The following PROK2 variants were observed in gnomAD, a reference collection of about 807,000 sequenced individuals.
PROK2 encodes prokineticin 2, also known as prokineticin-2.
In PROK2, 8 loss-of-function variants were observed where a neutral mutation model predicts 14.2. That is an observed-to-expected ratio of 0.56 (90% CI 0.33 to 1.02). PROK2 has a LOEUF of 1.02. Among genes scored for constraint, PROK2 ranks in the 50% least tolerant of loss-of-function variants. The pLI is 0.03. For synonymous variants in PROK2, 59 were observed against 60.7 expected (o/e 0.97, Z 0.13); for missense variants, 154 against 160.4 (o/e 0.96, Z 0.22).
chr3:71,784,519 TCTGGGCACTTG>T (rs2050195504), intron 1 of PROK2, among the ~76,000 whole-genome samples: 1 of 152,152 alleles, frequency 6.6e-6, no homozygotes, highest in Admixed American at 6.5e-5. Context: ...GGATTAAGAC[TCTGGGCACTTG>T]GGGAATTCGT....
chr3:71,776,812 T>C (rs561261245), intron 2 of PROK2, among the ~76,000 whole-genome samples: 14 of 152,170 alleles, frequency 9.2e-5, no homozygotes, highest in Non-Finnish European at 1.8e-4. Context: ...CAAGAGAAAG[T>C]GCTTACAGAA....
chr3:71,773,415 T>C (rs1559624210), intron 3 of PROK2, among the ~76,000 whole-genome samples: 1 of 152,200 alleles, frequency 6.6e-6, no homozygotes, highest in Non-Finnish European at 1.5e-5. Flanking sequence ...CAAGGTCACT[T>C]ATGTAAAACT....
At chr3:71,776,960 G>A (rs1023612128) in intron 2 of PROK2, among the ~76,000 whole-genome samples, 4 of 152,172 alleles carry the variant, frequency 2.6e-5, no homozygotes, top group African/African-American at 7.2e-5. Flanking sequence ...CCAGCACTTT[G>A]AGAAAGCATG....
intron 1 of PROK2, among the ~76,000 whole-genome samples, chr3:71,783,719 T>C (rs1263276577): frequency 6.6e-6 from 1 of 152,202 alleles, no homozygotes. Flanking sequence ...AATCCAATCA[T>C]GTTTCAATTC....
At chr3:71,772,963 C>G (rs780226635) in intron 3 of PROK2, 135 bp from the exon 4 acceptor site, 4 of 728,592 alleles carry the variant, frequency 5.5e-6, no homozygotes, top group Admixed American at 4.7e-5. Context: ...GCAATATGCT[C>G]AGTACTTTTT....
At chr3:71,781,423 T>C in intron 2 of PROK2, 44 bp downstream of exon 2, 1 of 1,606,462 alleles carries the variant, frequency 6.2e-7, no homozygotes, top group South Asian at 1.1e-5. Context: ...TGCTCAGAGT[T>C]ACCACAGTAG....
intron 2 of PROK2, among the ~76,000 whole-genome samples, chr3:71,780,572 G>A (rs759898347): frequency 2.8e-4 from 43 of 152,336 alleles, no homozygotes; most frequent in South Asian, 8.3e-4. Flanking sequence ...AGGACTTGTT[G>A]CAACGCCACT....
At chr3:71,776,180 A>G (rs910837077) in intron 2 of PROK2, among the ~76,000 whole-genome samples, 9 of 152,130 alleles carry the variant, frequency 5.9e-5, no homozygotes, top group African/African-American at 2.2e-4. Flanking sequence ...ATGAACATCA[A>G]TCTGGATCTG....
At chr3:71,781,666 G>T in intron 1 of PROK2, 74 bp from the exon 2 acceptor site, 1 of 1,471,074 alleles carries the variant, frequency 6.8e-7, no homozygotes. Flanking sequence ...AAAATTAGCA[G>T]TGAAATGCCC....
intron 2 of PROK2, 128 bp from the exon 3 acceptor site, chr3:71,774,635 G>A: frequency 7.8e-7 from 1 of 1,280,434 alleles, no homozygotes; most frequent in South Asian, 1.6e-5. Flanking sequence ...CAGTTCCTCT[G>A]TCCTTTTGCT....
chr3:71,781,524 T>C lies in PROK2; in HGVS notation c.165A>G (p.Ile55Met). ...GTTTGCCCATAGGTGTGCAAATCCT[T>C]ATGCTCTTGACCCAGATACTGACAG... is the stretch of plus-strand genomic sequence containing the variant. ...CCAVSIWVKS[I>M]RICTPMGKLG... is the part of the protein sequence containing the mutation. Residue 55 changes from isoleucine to methionine, a missense_variant, in exon 2 of 4, where the codon ATA becomes ATG. Ile to Met is a conservative substitution (Grantham distance 10). Transcript: ENST00000295619. 6.2e-7 allele frequency: 1 copy of C among 1,613,744 alleles called. No homozygotes were observed. The highest frequency in any genetic ancestry group is 8.5e-7 in the Non-Finnish European group (1 of 1,179,644).
Position 71,775,657 on chromosome 3 carries a change from G to C in PROK2, c.223-1150C>G, listed in dbSNP as rs114551630. Among the ~76,000 whole-genome samples, 353 of 152,242 alleles carry C rather than the reference G, an allele frequency of 2.3e-3. 1 individual carries two copies. The highest frequency in any genetic ancestry group is 8.0e-3 in the African/African-American group (331 of 41,548). On this transcript the variant is annotated intron_variant, in intron 2 of 3. Transcript: ENST00000295619. The stretch of plus-strand genomic sequence containing the variant: ...GGCTTCCTTTTGAGGTGAAGCAAAG[G>C]TCCTGGACTGAGGTTACTCAGCTAG...
intron 2 of PROK2, among the ~76,000 whole-genome samples, chr3:71,775,625 G>A (rs1285083673): frequency 1.3e-5 from 2 of 152,258 alleles, no homozygotes; most frequent in Non-Finnish European, 1.5e-5. Context: ...CTGAGATAGA[G>A]GTAAGTGGCT....
rs1372645618 is a variant in PROK2 at position 71,785,139 on chromosome 3, C to A, written c.-87G>T. The A allele has an allele frequency of 3.3e-6, 3 of 900,638 alleles. No individual in the cohort carries two copies. Among genetic ancestry groups the A allele is most frequent in the East Asian group, 7.6e-5 (2 of 26,458 alleles). 55.8% of individuals were successfully genotyped at this position (900,638 alleles called of 1,614,324 possible). A position where few individuals can be genotyped will look rare whatever the true frequency, so the allele number is the denominator to read the frequency against. On this transcript the variant is annotated 5_prime_UTR_variant, in exon 1 of 4. Coordinates refer to ENST00000295619, the MANE Select transcript of PROK2 (RefSeq NM_001126128.2). The stretch of plus-strand genomic sequence containing the variant: ...GGTGGAGCGCGGAGCGGCGGGCGGA[C>A]GGGCGCGGCGGCTCCCGCGAGCCTC...
intron 1 of PROK2, among the ~76,000 whole-genome samples, chr3:71,783,520 T>C (rs1418397660): frequency 6.6e-6 from 1 of 152,234 alleles, no homozygotes; most frequent in Non-Finnish European, 1.5e-5. Context: ...TACAAAGAGT[T>C]GCATAGGTTT....
chr3:71,781,622 T>C (rs747080303), intron 1 of PROK2, 30 bp from the exon 2 acceptor site: 6 of 1,601,176 alleles, frequency 3.7e-6, no homozygotes, highest in Admixed American at 1.7e-5. Context: ...CAGATAAATA[T>C]AGATAACAGG....
In PROK2 at chr3:71,772,651, G is replaced by A; in HGVS notation, c.*73C>T. The stretch of plus-strand genomic sequence containing the variant: ...AGCATTTCTTTCTGGCACATTTTTT[G>A]TTTGGCACAATCACAAGTAAGACTT... On this transcript the variant is annotated 3_prime_UTR_variant, in exon 4 of 4. Coordinates refer to ENST00000295619, the MANE Select transcript of PROK2 (RefSeq NM_001126128.2). 1 of 1,338,444 alleles carries A rather than the reference G, an allele frequency of 7.5e-7. No individual in the cohort carries two copies. The highest frequency in any genetic ancestry group is 1.2e-5 in the South Asian group (1 of 83,334). The allele number at this position is 1,338,444 out of a possible 1,614,324, so 82.9% of individuals were successfully genotyped here.
At chr3:71,784,648 CAG>C (rs2050196915) in intron 1 of PROK2, among the ~76,000 whole-genome samples, 2 of 152,290 alleles carry the variant, frequency 1.3e-5, no homozygotes, top group South Asian at 2.1e-4. Flanking sequence ...TTCAGCCTAA[CAG>C]AAGAAAAATG....
intron 3 of PROK2, among the ~76,000 whole-genome samples, chr3:71,773,076 T>C (rs1167296862): frequency 6.6e-6 from 1 of 152,196 alleles, no homozygotes; most frequent in Admixed American, 6.5e-5. Flanking sequence ...ACCTCCCGTG[T>C]TCAAGCGATT....
Sources: gnomAD v4.1 joint callset for allele counts (sites outside exome capture counted in the v4.1 genomes callset) on GRCh38, gnomAD v4.1.1 for gene constraint, MANE v1.5 for transcripts, NCBI Gene and HGNC (gene_info 2026-07-23, HGNC 2026-07-21) for gene names.